The following CHCHD3 variants were observed in gnomAD, a reference collection of about 807,000 sequenced individuals.
The protein encoded by CHCHD3 is MICOS complex subunit MIC19.
Under a neutral mutation model 38.2 loss-of-function variants are expected in CHCHD3, and 20 were observed. The observed-to-expected ratio is 0.52, with a 90% CI of 0.37 to 0.76. The LOEUF is 0.76. CHCHD3 is among the 30% of genes least tolerant of loss of function. The probability of loss-of-function intolerance (pLI) is 0.00; values close to 1 mark genes in which losing one functional copy is unlikely to be tolerated. For synonymous variants in CHCHD3, 82 were observed against 100.0 expected (o/e 0.82, Z 1.07); for missense variants, 245 against 279.2 (o/e 0.88, Z 0.87).
intron 5 of CHCHD3, among the ~76,000 whole-genome samples, chr7:132,842,074 G>T: frequency 6.6e-6 from 1 of 151,916 alleles, no homozygotes; most frequent in Non-Finnish European, 1.5e-5. Flanking sequence ...TTCCAGCCTG[G>T]GCGACAGAGC....
chr7:132,799,071 T>A (rs1806699654), intron 6 of CHCHD3, among the ~76,000 whole-genome samples: 1 of 151,690 alleles, frequency 6.6e-6, no homozygotes, highest in Admixed American at 6.6e-5. Flanking sequence ...TCTGAAATTC[T>A]TTTTGTACAC....
intron 5 of CHCHD3, among the ~76,000 whole-genome samples, chr7:132,881,639 A>G (rs1809060335): frequency 6.6e-6 from 1 of 152,210 alleles, no homozygotes; most frequent in Non-Finnish European, 1.5e-5. Flanking sequence ...AGGAAAAGAT[A>G]TGTGCTTATG....
At chr7:132,838,617 A>G in intron 5 of CHCHD3, 148 bp from the exon 6 acceptor site, 1 of 594,304 alleles carries the variant, frequency 1.7e-6, no homozygotes, top group Non-Finnish European at 3.0e-6. Context: ...GATACTTATA[A>G]AACACATGTA....
chr7:132,934,561 C>G (rs1810592021), intron 4 of CHCHD3, among the ~76,000 whole-genome samples: 1 of 152,314 alleles, frequency 6.6e-6, no homozygotes, highest in African/African-American at 2.4e-5. Flanking sequence ...GTCTTTCCCA[C>G]TAGAATACAC....
At chr7:132,913,259 C>T (rs187132377) in intron 4 of CHCHD3, among the ~76,000 whole-genome samples, 1 of 152,282 alleles carries the variant, frequency 6.6e-6, no homozygotes, top group East Asian at 1.9e-4. Context: ...AATGATGAAC[C>T]AAACCCTGAT....
At chr7:133,047,302 A>G (rs1262699479) in intron 2 of CHCHD3, among the ~76,000 whole-genome samples, 1 of 152,186 alleles carries the variant, frequency 6.6e-6, no homozygotes. Flanking sequence ...GCCCTCAGAA[A>G]ATTTTCATAA....
intron 5 of CHCHD3, among the ~76,000 whole-genome samples, chr7:132,866,971 G>A (rs921844404): frequency 5.3e-5 from 8 of 152,118 alleles, no homozygotes; most frequent in South Asian, 4.1e-4. Flanking sequence ...CATCTAATCG[G>A]AGGCCTCGCT....
chr7:133,045,871 C>A (rs529546607), intron 2 of CHCHD3, among the ~76,000 whole-genome samples: 37 of 152,186 alleles, frequency 2.4e-4, no homozygotes, highest in Admixed American at 1.7e-3. Context: ...CCTCCTCCTC[C>A]AGCCATGTGA....
chr7:132,825,096 A>C (rs1415693659), intron 6 of CHCHD3, among the ~76,000 whole-genome samples: 1 of 152,194 alleles, frequency 6.6e-6, no homozygotes, highest in East Asian at 1.9e-4. Flanking sequence ...AATGAGTATA[A>C]GCCCTCTGAG....
In CHCHD3 at chr7:133,002,755, C is replaced by T. The variant is rs140167648; in HGVS notation, c.251+21791G>A. On this transcript the variant is annotated intron_variant, in intron 3 of 7. Coordinates refer to ENST00000262570, the MANE Select transcript of CHCHD3 (RefSeq NM_017812.4). ...TTTTTCTTATCAAATATCTATAGAA[C>T]CCTTACTAAAATTGCTCTTCCATTT... Among the ~76,000 whole-genome samples, 17 of 152,170 alleles carry T rather than the reference C, an allele frequency of 1.1e-4. 1 individual carries two copies. In the South Asian group the frequency reaches 2.1e-3, roughly 19 times the overall value.
chr7:133,035,945 ATCCAG>A lies in CHCHD3; in HGVS notation c.170-11323_170-11319del. Reference sequence around the variant, plus strand: ...TGGTGATTCCGCAAAGAAAGGCTGGATCCAGTCTTAAAAGTGTTATCAGGTAGGGG... The same window carrying A: ...TGGTGATTCCGCAAAGAAAGGCTGGATCTTAAAAGTGTTATCAGGTAGGGG... On this transcript the variant is annotated intron_variant, in intron 2 of 7. Coordinates refer to ENST00000262570, the MANE Select transcript of CHCHD3 (RefSeq NM_017812.4). This position sits in a 1 kb window ranked among gnomAD's most constrained non-coding sequence, Gnocchi z 4.7. 2 of 1,504,476 alleles carry A rather than the reference ATCCAG, an allele frequency of 1.3e-6. No individual in the cohort carries two copies. The highest frequency in any genetic ancestry group is 1.8e-6 in the Non-Finnish European group (2 of 1,091,552). 93.2% of individuals were successfully genotyped at this position (1,504,476 alleles called of 1,614,324 possible).
In CHCHD3 at chr7:132,788,342, T is replaced by C. The variant is rs1806376917; in HGVS notation, c.661-2682A>G. On this transcript the variant is annotated intron_variant, in intron 7 of 7. Transcript: ENST00000262570. The surrounding 1 kb of genome is among the most constrained non-coding windows in gnomAD (Gnocchi z 4.0). ...TTCACTGCTTTCTTCAACACACTGA[T>C]GGGAGCTTTGAGTTGTCATCTGCCT... Among the ~76,000 whole-genome samples the C allele has an allele frequency of 6.6e-6, 1 of 152,184 alleles. No individual in the cohort carries two copies. Among genetic ancestry groups the C allele is most frequent in the Non-Finnish European group, 1.5e-5 (1 of 68,042 alleles).
At chr7:132,938,951 T>C (rs2117267338) in intron 4 of CHCHD3, among the ~76,000 whole-genome samples, 1 of 152,282 alleles carries the variant, frequency 6.6e-6, no homozygotes, top group Non-Finnish European at 1.5e-5. Context: ...TCATTCTTGA[T>C]CTCTTACAAG....
rs376775023 is a variant in CHCHD3 at position 132,865,146 on chromosome 7, T to C, written c.453+20516A>G. ...GGGGTCTAAACCTGAGAAATAATTA[T>C]ATGGCGTGAGAAAAACAAGTGATGA... On this transcript the variant is annotated intron_variant, in intron 5 of 7. Coordinates refer to ENST00000262570, the MANE Select transcript of CHCHD3 (RefSeq NM_017812.4). Among the ~76,000 whole-genome samples, 25 of 152,318 alleles carry C rather than the reference T, an allele frequency of 1.6e-4. No homozygotes were observed. In the East Asian group the frequency reaches 3.3e-3, roughly 20 times the overall value.
chr7:132,976,317 C>T (rs1393282783), intron 3 of CHCHD3, among the ~76,000 whole-genome samples: 1 of 152,150 alleles, frequency 6.6e-6, no homozygotes. Flanking sequence ...TCTTACTTCC[C>T]TAGATCTGTA....
intron 5 of CHCHD3, among the ~76,000 whole-genome samples, chr7:132,859,999 C>T (rs574821637): frequency 6.6e-6 from 1 of 152,126 alleles, no homozygotes; most frequent in South Asian, 2.1e-4. Context: ...GGGCTCGGCT[C>T]GGTGGCTTAC....
chr7:132,976,550 T>C (rs1341096292), intron 3 of CHCHD3, among the ~76,000 whole-genome samples: 1 of 152,174 alleles, frequency 6.6e-6, no homozygotes, highest in Admixed American at 6.5e-5. Flanking sequence ...TGAACAAAGA[T>C]TTTCTGACTG....
At chr7:132,949,891 A>G (rs1007512769) in intron 4 of CHCHD3, among the ~76,000 whole-genome samples, 4 of 152,128 alleles carry the variant, frequency 2.6e-5, no homozygotes, top group Non-Finnish European at 5.9e-5. Flanking sequence ...TAGACACAAA[A>G]AGTAGACACA....
chr7:133,076,056 C>CCA (rs1814981478), intron 1 of CHCHD3, among the ~76,000 whole-genome samples: 1 of 69,308 alleles, frequency 1.4e-5, no homozygotes, highest in East Asian at 4.4e-4. Context: ...GAGATTCTAT[C>CCA]TCAAAAAAAA....
Sources: allele counts gnomAD v4.1 joint callset (sites outside exome capture counted in the v4.1 genomes callset), GRCh38; gene constraint gnomAD v4.1.1; non-coding constraint Gnocchi (gnomAD v3.1); transcripts MANE v1.5; gene names NCBI Gene and HGNC (gene_info 2026-07-23, HGNC 2026-07-21).